NLGN4X: variants seen among roughly 807,000 people sequenced by gnomAD.
The protein encoded by NLGN4X is neuroligin-4, X-linked.
Under a neutral mutation model 40.3 loss-of-function variants are expected in NLGN4X, and 3 were observed. That is an observed-to-expected ratio of 0.07 (90% CI 0.03 to 0.19). The LOEUF (loss-of-function observed/expected upper bound fraction) is 0.19, where lower values mean the gene tolerates loss of function less well. Ranked by LOEUF, NLGN4X falls within the 10% of genes least tolerant of loss-of-function variation. NLGN4X has a pLI of 1.00. For missense variants in NLGN4X, 382 were observed against 708.3 expected (o/e 0.54, Z 5.23); for synonymous variants, 270 against 306.8 (o/e 0.88, Z 1.25).
intron 3 of NLGN4X, among the ~76,000 whole-genome samples, chrX:6,022,543 G>C (rs187958699): frequency 8.9e-6 from 1 of 112,061 alleles, no homozygotes; most frequent in Non-Finnish European, 1.9e-5. Context: ...CAGCAGGTGT[G>C]CTTCAGGGAA....
Position 6,037,322 on chromosome X carries a change from A to G in NLGN4X, c.473-7890T>C, listed in dbSNP as rs183354082. 3.5e-3 allele frequency among the ~76,000 whole-genome samples: 387 copies of G among 110,574 alleles called. 6 individuals carry two copies. Among genetic ancestry groups the G allele is most frequent in the Admixed American group, 0.033 (344 of 10,344 alleles). On this transcript the variant is annotated intron_variant, in intron 2 of 5. Coordinates refer to ENST00000381095, the MANE Select transcript of NLGN4X (RefSeq NM_181332.3). ...CCTTATCACAAAAAAAAATAAAAAT[A>G]AAAATAAAAAAATTAAAAAAAATTG...
chrX:5,970,388 C>A (rs1259684212), intron 3 of NLGN4X, among the ~76,000 whole-genome samples: 1 of 111,402 alleles, frequency 9.0e-6, no homozygotes, highest in East Asian at 2.8e-4. Context: ...GGACTCTAAG[C>A]ATTTTCCATG....
At chrX:6,112,555 G>A (rs1256353580) in intron 2 of NLGN4X, among the ~76,000 whole-genome samples, 1 of 106,814 alleles carries the variant, frequency 9.4e-6, no homozygotes, top group African/African-American at 3.5e-5. Context: ...GGGGATTATA[G>A]TCCCCGCTTT....
At chrX:6,039,126 C>T (rs2037094463) in intron 2 of NLGN4X, among the ~76,000 whole-genome samples, 1 of 110,933 alleles carries the variant, frequency 9.0e-6, no homozygotes, top group South Asian at 3.8e-4. Flanking sequence ...CCCCTTGAAT[C>T]TTGAGTGGCT....
chrX:6,146,126 A>T (rs182512755), intron 2 of NLGN4X, among the ~76,000 whole-genome samples: 11 of 110,731 alleles, frequency 9.9e-5, no homozygotes, highest in African/African-American at 3.6e-4. Context: ...AAAAGGAAAA[A>T]AAAAAAAAAA....
chrX:6,221,846 C>G (rs1417141446), intron 1 of NLGN4X, among the ~76,000 whole-genome samples: 1 of 110,669 alleles, frequency 9.0e-6, no homozygotes, highest in Non-Finnish European at 1.9e-5. Flanking sequence ...TGGACTTGCC[C>G]GTCCCATACT....
chrX:6,106,149 AAAG>A (rs759175054), intron 2 of NLGN4X, among the ~76,000 whole-genome samples: 6 of 112,097 alleles, frequency 5.4e-5, no homozygotes, highest in Non-Finnish European at 9.4e-5. Flanking sequence ...CTGAGGTGGA[AAAG>A]AAAGAACACA....
At chrX:5,974,893 CCA>C (rs2147036812) in intron 3 of NLGN4X, among the ~76,000 whole-genome samples, 1 of 111,754 alleles carries the variant, frequency 8.9e-6, no homozygotes, top group East Asian at 2.8e-4. Flanking sequence ...CACTTTGGGG[CCA>C]TTGTTAACTG....
intron 3 of NLGN4X, among the ~76,000 whole-genome samples, chrX:5,964,207 GAGA>G (rs2034751167): frequency 9.0e-6 from 1 of 111,727 alleles, no homozygotes; most frequent in African/African-American, 3.2e-5. Flanking sequence ...AAAAATAAAT[GAGA>G]AGAATTCTCC....
At chrX:6,101,626 AC>A (rs1431674403) in intron 2 of NLGN4X, among the ~76,000 whole-genome samples, 1 of 110,477 alleles carries the variant, frequency 9.1e-6, no homozygotes, top group Non-Finnish European at 1.9e-5. Context: ...AAAAGATTGA[AC>A]TCATGTGCAT....
At chrX:6,142,258 A>G (rs2039963474) in intron 2 of NLGN4X, among the ~76,000 whole-genome samples, 1 of 112,297 alleles carries the variant, frequency 8.9e-6, no homozygotes, top group Non-Finnish European at 1.9e-5. Flanking sequence ...AATTCATACT[A>G]CTAAATAGTA....
At chrX:6,067,113 C>CCG (rs2037942146) in intron 2 of NLGN4X, among the ~76,000 whole-genome samples, 2 of 109,231 alleles carry the variant, frequency 1.8e-5, no homozygotes, top group Admixed American at 1.9e-4. Flanking sequence ...AGTCCCCCCC[C>CCG]CAAAACAAAA....
chrX:6,085,211 C>A (rs12842281), intron 2 of NLGN4X, among the ~76,000 whole-genome samples: 51,693 of 108,974 alleles, frequency 0.47, 9,039 homozygotes, highest in Admixed American at 0.52. Context: ...GGAGGTTTGC[C>A]AGGATTCATG....
chrX:6,192,211 T>G (rs1348124378), intron 1 of NLGN4X, among the ~76,000 whole-genome samples: 1 of 111,214 alleles, frequency 9.0e-6, no homozygotes, highest in African/African-American at 3.3e-5. Context: ...CTACACAGCC[T>G]CAAACTCCTG....
At chrX:6,104,722 G>A (rs1368950836) in intron 2 of NLGN4X, among the ~76,000 whole-genome samples, 3 of 111,576 alleles carry the variant, frequency 2.7e-5, no homozygotes, top group African/African-American at 9.8e-5. Context: ...GGAGAGGATG[G>A]GCAGTCTGGA....
chrX:6,031,836 T>C (rs1268875801), intron 2 of NLGN4X, among the ~76,000 whole-genome samples: 3 of 109,859 alleles, frequency 2.7e-5, no homozygotes, highest in South Asian at 4.0e-4. Context: ...AAAAACAGCA[T>C]GCGAGTTGTC....
intron 3 of NLGN4X, among the ~76,000 whole-genome samples, chrX:5,951,343 G>T (rs1267655040): frequency 9.0e-6 from 1 of 111,641 alleles, no homozygotes; most frequent in Admixed American, 9.6e-5. Context: ...CAATTGGTCA[G>T]ATGAACTAAA....
At chrX:6,032,288 A>G (rs1190513023) in intron 2 of NLGN4X, among the ~76,000 whole-genome samples, 1 of 96,779 alleles carries the variant, frequency 1.0e-5, no homozygotes, top group Non-Finnish European at 2.0e-5. Flanking sequence ...CATAAAAATA[A>G]TTAAGAAGAC....
chrX:6,148,272 ATTG>A (rs1488914002), intron 2 of NLGN4X, among the ~76,000 whole-genome samples: 1 of 111,773 alleles, frequency 8.9e-6, no homozygotes, highest in Non-Finnish European at 1.9e-5. Flanking sequence ...TGCTGTTGTT[ATTG>A]TTTAGATTTG....
Sources: allele counts gnomAD v4.1 joint callset (sites outside exome capture counted in the v4.1 genomes callset), GRCh38; gene constraint gnomAD v4.1.1; transcripts MANE v1.5; gene names NCBI Gene and HGNC (gene_info 2026-07-23, HGNC 2026-07-21).